The following XYLT1 variants were observed in gnomAD, a reference collection of about 807,000 sequenced individuals.
XYLT1 encodes the protein xylosyltransferase 1.
Under a neutral mutation model 91.3 loss-of-function variants are expected in XYLT1, and 36 were observed. The ratio of observed to expected loss-of-function variants is 0.39; its 90% confidence interval spans 0.30 to 0.52. XYLT1 has a LOEUF of 0.52. Ranked by LOEUF, XYLT1 falls within the 20% of genes least tolerant of loss-of-function variation. XYLT1 has a pLI of 0.68. For missense variants in XYLT1, 1,242 were observed against 1,284.5 expected (o/e 0.97, Z 0.51); for synonymous variants, 588 against 532.0 (o/e 1.11, Z -1.45).
At chr16:17,214,600 A>T (rs1417109930) in intron 3 of XYLT1, among the ~76,000 whole-genome samples, 1 of 152,194 alleles carries the variant, frequency 6.6e-6, no homozygotes. Context: ...ACTGGAACGA[A>T]TGTCTATGAT....
intron 11 of XYLT1, among the ~76,000 whole-genome samples, 177 bp downstream of exon 11, chr16:17,117,469 T>C (rs1258972972): frequency 2.6e-5 from 4 of 152,152 alleles, no homozygotes; most frequent in Admixed American, 2.0e-4. Context: ...CGTGTGCAGG[T>C]AGGACATTAG....
intron 2 of XYLT1, among the ~76,000 whole-genome samples, chr16:17,260,037 T>TC (rs1241893422): frequency 6.6e-6 from 1 of 151,906 alleles, no homozygotes; most frequent in Non-Finnish European, 1.5e-5. Flanking sequence ...CCGCAATTTT[T>TC]TTTTTTTTTT....
At chr16:17,274,232 T>C (rs1225676242) in intron 2 of XYLT1, among the ~76,000 whole-genome samples, 3 of 152,340 alleles carry the variant, frequency 2.0e-5, no homozygotes, top group East Asian at 3.9e-4. Flanking sequence ...TGTTTATAAA[T>C]TGCTGTCATA....
At chr16:17,194,515 G>A (rs527376142) in intron 5 of XYLT1, among the ~76,000 whole-genome samples, 1 of 152,350 alleles carries the variant, frequency 6.6e-6, no homozygotes, top group South Asian at 2.1e-4. Context: ...GGAACTTTGA[G>A]CACAGCCCCT....
chr16:17,275,134 G>A (rs1000931185), intron 2 of XYLT1, among the ~76,000 whole-genome samples: 3 of 152,122 alleles, frequency 2.0e-5, no homozygotes, highest in East Asian at 1.9e-4. Context: ...CCAATATTGC[G>A]CCACTGCACT....
intron 1 of XYLT1, among the ~76,000 whole-genome samples, chr16:17,416,553 C>CT (rs1181330296): frequency 2.6e-5 from 4 of 152,196 alleles, no homozygotes; most frequent in African/African-American, 9.6e-5. Flanking sequence ...CACAATCAGC[C>CT]TGTGCAGCTA....
rs2034430032 is a variant in XYLT1 at position 17,303,646 on chromosome 16, TTAC to T, written c.403-44151_403-44149del. ...CACCTACAATCCTTTTACATTTTCA[TTAC>T]TAATGATATTACAATGGCTGGGAGT... On this transcript the variant is annotated intron_variant, in intron 2 of 11. Transcript: ENST00000261381. 2.6e-5 allele frequency among the ~76,000 whole-genome samples: 4 copies of T among 152,236 alleles called. No homozygotes were observed. The South Asian group carries it at 6.2e-4, about 24-fold the overall frequency.
In XYLT1 at chr16:17,160,046, A is replaced by C. The variant is rs116767925; in HGVS notation, c.1290-1137T>G. 5.1e-3 allele frequency among the ~76,000 whole-genome samples: 773 copies of C among 152,364 alleles called. 7 individuals carry two copies. The highest frequency in any genetic ancestry group is 0.017 in the African/African-American group (721 of 41,584). ...AAAAAAACATCTCTGGGGTTATAAT[A>C]GAAGCTAGACCTTCGAGAAGCAGGA... On this transcript the variant is annotated intron_variant, in intron 5 of 11. Transcript: ENST00000261381.
intron 1 of XYLT1, among the ~76,000 whole-genome samples, chr16:17,440,213 G>A (rs2036514955): frequency 6.6e-6 from 1 of 152,202 alleles, no homozygotes; most frequent in African/African-American, 2.4e-5. Flanking sequence ...CTCCCCAGTA[G>A]AACTTTCAGA....
chr16:17,240,542 G>C (rs565162238), intron 3 of XYLT1, among the ~76,000 whole-genome samples: 2 of 152,314 alleles, frequency 1.3e-5, no homozygotes, highest in South Asian at 2.1e-4. Context: ...AAGAGACAGA[G>C]AGAGAAATGG....
intron 1 of XYLT1, among the ~76,000 whole-genome samples, chr16:17,412,634 C>T (rs1453224643): frequency 6.6e-6 from 1 of 152,110 alleles, no homozygotes; most frequent in African/African-American, 2.4e-5. Context: ...GATTCTAAGA[C>T]ATCAAAGTTC....
Position 17,188,892 on chromosome 16 carries a change from TAAAG to T in XYLT1, c.1289+9316_1289+9319del, listed in dbSNP as rs563273198. Among the ~76,000 whole-genome samples, 21 of 152,262 alleles carry T rather than the reference TAAAG, an allele frequency of 1.4e-4. No homozygotes were observed. In the South Asian group the frequency reaches 4.1e-3, roughly 30 times the overall value. ...TGTGCAACTTCACACAGCTAGTAAATAAAGAAGCTGCGATTTGGACCCAGGTGGA... is the reference window on the plus strand; with the variant it reads ...TGTGCAACTTCACACAGCTAGTAAATAAGCTGCGATTTGGACCCAGGTGGA... On this transcript the variant is annotated intron_variant, in intron 5 of 11. Transcript: ENST00000261381.
At chr16:17,308,341 A>C (rs1173850141) in intron 2 of XYLT1, among the ~76,000 whole-genome samples, 1 of 152,190 alleles carries the variant, frequency 6.6e-6, no homozygotes, top group East Asian at 1.9e-4. Context: ...CAAGTTGACT[A>C]AGCCTGCTTT....
chr16:17,127,260 A>G (rs1281494160), intron 10 of XYLT1, among the ~76,000 whole-genome samples: 3 of 152,234 alleles, frequency 2.0e-5, no homozygotes, highest in East Asian at 1.9e-4. Context: ...ACAACTAAGC[A>G]TAGGATTTGT....
rs918119829 is a variant in XYLT1, at chr16:17,312,471, A to G, written c.402+45541T>C. Among the ~76,000 whole-genome samples, 10 of 152,162 alleles carry G rather than the reference A, an allele frequency of 6.6e-5. No homozygotes were observed. Among genetic ancestry groups the G allele is most frequent in the African/African-American group, 2.4e-4 (10 of 41,426 alleles). ...TAACATGTTTTTCTTTCTAACTTAA[A>G]AAAATAATAATTATAGACTCACAGG... On this transcript the variant is annotated intron_variant, in intron 2 of 11. Coordinates refer to ENST00000261381, the MANE Select transcript of XYLT1 (RefSeq NM_022166.4). The surrounding 1 kb of genome is among the most constrained non-coding windows in gnomAD (Gnocchi z 4.4).
intron 1 of XYLT1, among the ~76,000 whole-genome samples, chr16:17,367,291 T>C (rs558465505): frequency 6.6e-6 from 1 of 152,216 alleles, no homozygotes. Flanking sequence ...TTACCCGACA[T>C]GGCCCAGACA....
chr16:17,377,175 T>TCACACACACACACACACACACACACCCA (rs376242678), intron 1 of XYLT1, among the ~76,000 whole-genome samples: 6 of 150,932 alleles, frequency 4.0e-5, no homozygotes, highest in African/African-American at 1.2e-4. Flanking sequence ...AGACTCTGCC[T>TCACACACACACACACACACACACACCCA]CACACACACA....
chr16:17,138,554 G>A (rs552874179), intron 7 of XYLT1, 23 bp from the exon 8 acceptor site: 1 of 1,606,392 alleles, frequency 6.2e-7, no homozygotes, highest in African/African-American at 1.3e-5. Context: ...GAGGGACCCA[G>A]CCTGAGACCT....
chr16:17,304,759 G>A (rs2141816120), intron 2 of XYLT1, among the ~76,000 whole-genome samples: 1 of 152,228 alleles, frequency 6.6e-6, no homozygotes, highest in African/African-American at 2.4e-5. Flanking sequence ...GGTGAGTAAG[G>A]CTGCTTGGGA....
Sources: allele counts gnomAD v4.1 joint callset (sites outside exome capture counted in the v4.1 genomes callset), GRCh38; gene constraint gnomAD v4.1.1; non-coding constraint Gnocchi (gnomAD v3.1); transcripts MANE v1.5; gene names NCBI Gene and HGNC (gene_info 2026-07-23, HGNC 2026-07-21).